The following NUMA1 variants were observed in gnomAD, a reference collection of about 807,000 sequenced individuals.
The protein encoded by NUMA1 is nuclear mitotic apparatus protein 1.
Under a neutral mutation model 237.1 loss-of-function variants are expected in NUMA1, and 62 were observed. The ratio of observed to expected loss-of-function variants is 0.26; its 90% CI spans 0.21 to 0.32. NUMA1 has a LOEUF of 0.32. Among genes scored for constraint, NUMA1 ranks in the 10% least tolerant of loss-of-function variants. The pLI, the probability that NUMA1 is intolerant of heterozygous loss-of-function variation, is 1.00. For missense variants in NUMA1, 2,533 were observed against 2,666.5 expected (o/e 0.95, Z 1.10); for synonymous variants, 1,028 against 1,066.1 (o/e 0.96, Z 0.70).
In NUMA1 at chr11:72,009,342, G is replaced by C. The variant is rs1955983058; in HGVS notation, c.4765C>G (p.Leu1589Val). Reference sequence around the variant, plus strand: ...TGCAGTTCATTCAGCTGGGCCTGGAGGCGCTGGGCCTCCTGCTGGCTCTCG... The same window carrying C: ...TGCAGTTCATTCAGCTGGGCCTGGACGCGCTGGGCCTCCTGCTGGCTCTCG... ...GGESQQEAQR[L>V]QAQLNELQAQ... The change falls in exon 18 of 27, where the codon CTC (leucine) becomes GTC (valine). Residue 1589 changes from leucine (L) to valine (V), a missense_variant. By Grantham distance (32) the Leu-to-Val change is conservative. This residue lies in a region of NUMA1 where 795 missense variants were observed against 750.8 expected (regional missense o/e 1.06). Coordinates refer to ENST00000393695, the MANE Select transcript of NUMA1 (RefSeq NM_006185.4). The C allele has an allele frequency of 6.2e-7, 1 of 1,612,860 alleles. No homozygotes were observed. Among genetic ancestry groups the C allele is most frequent in the South Asian group, 1.1e-5 (1 of 91,058 alleles).
chr11:72,005,123 C>A (rs779993737), intron 23 of NUMA1, 110 bp downstream of exon 23: 1 of 1,276,208 alleles, frequency 7.8e-7, no homozygotes, highest in Non-Finnish European at 1.1e-6. Flanking sequence ...CACCCTCCCC[C>A]TCCTCGGCCA....
chr11:72,023,134 A>G lies in NUMA1; in HGVS notation c.222T>C (p.His74=), dbSNP rs1168421845. ...ATACCAGGCATTCTGGGGAAGAGGG[A>G]TGTTTTCGATTTTCTGCAATGACAA... The part of the protein sequence containing the change: ...VCSFLQKNRK[H]PSSPECLVSA... The change falls in exon 6 of 27, where the codon CAT becomes CAC. Residue 74 remains histidine (H), a synonymous_variant. Transcript: ENST00000393695. The G allele has an allele frequency of 1.2e-6, 2 of 1,613,396 alleles. No individual in the cohort carries two copies. Among genetic ancestry groups the G allele is most frequent in the East Asian group, 4.5e-5 (2 of 44,874 alleles).
At chr11:72,041,031 GA>G (rs1389837974) in intron 2 of NUMA1, 1 of 152,138 alleles carries the variant, frequency 6.6e-6, no homozygotes. Context: ...AGGAGAGGAG[GA>G]AGGGGGGGCC....
Position 72,004,328 on chromosome 11 carries a change from G to C in NUMA1, c.6020C>G (p.Thr2007Ser). Residue 2007 changes from threonine to serine, a missense_variant, in exon 25 of 27, where the codon ACC becomes AGC. Physicochemically the swap from Thr to Ser is moderately conservative, Grantham distance 58. Around this residue, in one of 3 missense-constraint regions of NUMA1, gnomAD observed 795 missense variants for 750.8 expected, o/e 1.06. Transcript: ENST00000393695. ...AGTCATGGGGCGTGGGAAACAGCTG[G>C]TGGCCTTCTTAGACTATGGAGAAGA... is the stretch of plus-strand genomic sequence containing the variant. Reference protein sequence around the residue: ...GPGTPESKKATSCFPRPMTPR... With the variant: ...GPGTPESKKASSCFPRPMTPR... 6.2e-7 allele frequency: 1 copy of C among 1,612,988 alleles called. No individual in the cohort carries two copies. Among genetic ancestry groups the C allele is most frequent in the Non-Finnish European group, 8.5e-7 (1 of 1,179,734 alleles).
chr11:72,046,434 T>G (rs978128374), intron 2 of NUMA1, among the ~76,000 whole-genome samples: 1 of 151,588 alleles, frequency 6.6e-6, no homozygotes, highest in Non-Finnish European at 1.5e-5. Flanking sequence ...ATCCCAGCTA[T>G]TCGGGAGGCT....
chr11:72,035,894 C>A lies in NUMA1; in HGVS notation c.42+8G>T. Reference sequence around the variant, plus strand: ...GTATAGCCAACAAAAGAGAGGAAGACTACTTACCCAAGAGAGGAGTGCAGC... The same window carrying A: ...GTATAGCCAACAAAAGAGAGGAAGAATACTTACCCAAGAGAGGAGTGCAGC... On this transcript the variant is annotated splice_region_variant and intron_variant, in intron 3 of 26. Coordinates refer to ENST00000393695, the MANE Select transcript of NUMA1 (RefSeq NM_006185.4). 2 of 1,613,874 alleles carry A rather than the reference C, an allele frequency of 1.2e-6. No individual in the cohort carries two copies. Among genetic ancestry groups the A allele is most frequent in the Non-Finnish European group, 1.7e-6 (2 of 1,179,778 alleles).
Position 72,014,413 on chromosome 11 carries a change from A to G in NUMA1, c.3090T>C (p.Leu1030=), listed in dbSNP as rs1404740431. Residue 1030 remains leucine, a synonymous_variant, in exon 15 of 27, where the codon CTT becomes CTC. Transcript: ENST00000393695. This position sits in a 1 kb window ranked among gnomAD's most constrained non-coding sequence, Gnocchi z 4.6. ...TGAGGGCGTTCTGCAGCCGCATCTC[A>G]AGCTCTGCTCTGGCCGCCTTCTCCA... ...LALEKAARAE[L]EMRLQNALNE... 1 of 1,609,878 alleles carries G rather than the reference A, an allele frequency of 6.2e-7. No homozygotes were observed. Among genetic ancestry groups the G allele is most frequent in the Non-Finnish European group, 8.5e-7 (1 of 1,180,008 alleles).
In NUMA1 at chr11:72,015,046, ATCC is replaced by A. The variant is rs1223184921; in HGVS notation, c.2454_2456del (p.Glu818del). On this transcript the variant is annotated inframe_deletion, in exon 15 of 27. Transcript: ENST00000393695. The surrounding 1 kb of genome is among the most constrained non-coding windows in gnomAD (Gnocchi z 4.0). ...CATACTGTGCCTCCTCTTGCTGGCT[ATCC>A]TCATACCGCTCACGCCAGGCAGCTA... is the stretch of plus-strand genomic sequence containing the variant. The A allele has an allele frequency of 6.2e-7, 1 of 1,614,018 alleles. No individual in the cohort carries two copies. The highest frequency in any genetic ancestry group is 2.2e-5 in the East Asian group (1 of 44,860).
At chr11:72,075,264 T>C (rs1395651798) in intron 1 of NUMA1, among the ~76,000 whole-genome samples, 1 of 152,072 alleles carries the variant, frequency 6.6e-6, no homozygotes, top group African/African-American at 2.4e-5. Context: ...CTAAACCCCA[T>C]TTCACATTTG....
rs1231835907 is a variant in NUMA1, at chr11:72,003,362, A to AGGACCAG, written c.*158_*164dup. 4.2e-5 allele frequency: 29 copies of AGGACCAG among 694,008 alleles called. No homozygotes were observed. The highest frequency in any genetic ancestry group is 2.3e-4 in the South Asian group (13 of 56,950). The allele number at this position is 694,008 out of a possible 1,614,324, so 43.0% of individuals were successfully genotyped here. ...GCCAGCTCCGAGAAGGCGCCAGTGA[A>AGGACCAG]GGACCAGGGACCAGGCCAGGGTGCG... is the stretch of plus-strand genomic sequence containing the variant. On this transcript the variant is annotated 3_prime_UTR_variant, in exon 27 of 27. Coordinates refer to ENST00000393695, the MANE Select transcript of NUMA1 (RefSeq NM_006185.4).
Position 72,021,309 on chromosome 11 carries a change from A to C in NUMA1, c.373-18T>G, listed in dbSNP as rs747057982. ...AACTCAGCCTGGGCCACAGGGAGAA[A>C]AAGAGCATCACTTAGGTGTTAGGCC... On this transcript the variant is annotated intron_variant, in intron 7 of 26. Transcript: ENST00000393695. 1.6e-5 allele frequency: 25 copies of C among 1,611,392 alleles called. No individual in the cohort carries two copies. The South Asian group carries it at 2.7e-4, about 18-fold the overall frequency.
At position 72,014,008 on chromosome 11, in the gene NUMA1, C is replaced by T; in HGVS notation, c.3495G>A (p.Glu1165=). ...ASRAERDSAL[E]TLQGQLEEKA... is the part of the protein sequence containing the mutation. Reference sequence around the variant, plus strand: ...TCTCCTCTAACTGGCCCTGCAGAGTCTCCAGAGCACTGTCCCGCTCAGCCC... The same window carrying T: ...TCTCCTCTAACTGGCCCTGCAGAGTTTCCAGAGCACTGTCCCGCTCAGCCC... The change falls in exon 15 of 27, where the codon GAG becomes GAA. Residue 1165 remains glutamate, a synonymous_variant. Transcript: ENST00000393695. The surrounding 1 kb of genome is among the most constrained non-coding windows in gnomAD (Gnocchi z 4.6). 1 of 1,612,172 alleles carries T rather than the reference C, an allele frequency of 6.2e-7. No individual in the cohort carries two copies. Among genetic ancestry groups the T allele is most frequent in the Non-Finnish European group, 8.5e-7 (1 of 1,180,010 alleles).
At chr11:72,027,399 C>T (rs139453436) in intron 4 of NUMA1, among the ~76,000 whole-genome samples, 1 of 151,862 alleles carries the variant, frequency 6.6e-6, no homozygotes, top group Non-Finnish European at 1.5e-5. Context: ...TGGTACACAA[C>T]CCCAACTATG....
At chr11:72,061,481 T>TTTTCC (rs1373729345) in intron 2 of NUMA1, among the ~76,000 whole-genome samples, 5 of 24,600 alleles carry the variant, frequency 2.0e-4, no homozygotes, top group Admixed American at 5.1e-4. Context: ...TCCTTGTTTC[T>TTTTCC]TTTCTTTTTT....
chr11:72,031,746 C>A (rs1940348018), intron 3 of NUMA1, among the ~76,000 whole-genome samples: 1 of 151,960 alleles, frequency 6.6e-6, no homozygotes, highest in Admixed American at 6.6e-5. Context: ...CCTGGGAGGT[C>A]AAGGCTACAG....
intron 9 of NUMA1, 140 bp from the exon 10 acceptor site, chr11:72,019,120 G>T: frequency 1.2e-6 from 1 of 826,846 alleles, no homozygotes; most frequent in Non-Finnish European, 1.9e-6. Flanking sequence ...TGTTTGCAGT[G>T]CTACCTCAAG....
Position 72,007,310 on chromosome 11 carries a change from C to T in NUMA1, c.5342G>A (p.Arg1781Gln), listed in dbSNP as rs554534253. ...ESLYFTPIPA[R>Q]SQAPLESSLD... ...GCTGCTCTCCAGGGGGGCCTGACTC[C>T]GAGCAGGGATGGGAGTGAAGTAGAG... The change falls in exon 21 of 27, where the codon CGG becomes CAG. Residue 1781 changes from arginine (R) to glutamine (Q), a missense_variant. Physicochemically the swap from Arg to Gln is conservative, Grantham distance 43. This residue lies in a region of NUMA1 where 795 missense variants were observed against 750.8 expected (regional missense o/e 1.06). Transcript: ENST00000393695. 3 of 1,613,138 alleles carry T rather than the reference C, an allele frequency of 1.9e-6. No homozygotes were observed. The highest frequency in any genetic ancestry group is 2.2e-5 in the East Asian group (1 of 44,872).
intron 3 of NUMA1, among the ~76,000 whole-genome samples, chr11:72,035,518 C>T (rs1354426373): frequency 2.6e-5 from 4 of 151,800 alleles, no homozygotes; most frequent in South Asian, 2.1e-4. Flanking sequence ...AGTGATTCTC[C>T]GGCCTCAGCC....
In NUMA1 at chr11:72,015,499, C is replaced by G. The variant is rs746044172; in HGVS notation, c.2004G>C (p.Glu668Asp). 6.2e-7 allele frequency: 1 copy of G among 1,613,266 alleles called. No homozygotes were observed. Among genetic ancestry groups the G allele is most frequent in the East Asian group, 2.2e-5 (1 of 44,880 alleles). The change falls in exon 15 of 27, where the codon GAG (glutamate) becomes GAC (aspartate). Residue 668 changes from glutamate to aspartate, a missense_variant. Coordinates refer to ENST00000393695, the MANE Select transcript of NUMA1 (RefSeq NM_006185.4). The surrounding 1 kb of genome is among the most constrained non-coding windows in gnomAD (Gnocchi z 4.0). ...CVETARQEQH[E>D]AQAQVAELEL... Reference sequence around the variant, plus strand: ...CTAGCTCTGCAACCTGGGCCTGGGCCTCATGCTGTTCCTGGCGGGCTGTCT... The same window carrying G: ...CTAGCTCTGCAACCTGGGCCTGGGCGTCATGCTGTTCCTGGCGGGCTGTCT...
Sources: gnomAD v4.1 joint callset for allele counts (sites outside exome capture counted in the v4.1 genomes callset) on GRCh38, gnomAD v4.1.1 for gene constraint, gnomAD v4.1.1 regional missense constraint, Gnocchi (gnomAD v3.1) non-coding constraint, MANE v1.5 for transcripts, NCBI Gene and HGNC (gene_info 2026-07-23, HGNC 2026-07-21) for gene names.